The following HELB variants were observed in gnomAD, a reference collection of about 807,000 sequenced individuals.
HELB encodes DNA 5'-3' helicase B.
Under a neutral mutation model 101.7 loss-of-function variants are expected in HELB, and 96 were observed. The observed-to-expected ratio is 0.94, with a 90% CI of 0.80 to 1.12. The LOEUF (loss-of-function observed/expected upper bound fraction) is 1.12. Ranked by LOEUF, HELB falls within the 50% of genes most tolerant of loss-of-function variation. The probability of loss-of-function intolerance (pLI) is 0.00; values close to 1 mark genes in which losing one functional copy is unlikely to be tolerated. For missense variants in HELB, 1,210 were observed against 1,291.9 expected, an observed-to-expected ratio of 0.94 and a Z score of 0.97; for synonymous variants, 437 against 459.7, an observed-to-expected ratio of 0.95 and a Z score of 0.63.
intron 7 of HELB, among the ~76,000 whole-genome samples, chr12:66,320,619 T>G (rs999631806): frequency 2.0e-5 from 3 of 152,188 alleles, no homozygotes; most frequent in African/African-American, 7.2e-5. Context: ...TAAAAAAAAT[T>G]GTCCATTTTA....
At chr12:66,326,767 C>A (rs976345795) in intron 11 of HELB, among the ~76,000 whole-genome samples, 1 of 149,298 alleles carries the variant, frequency 6.7e-6, no homozygotes, top group Non-Finnish European at 1.5e-5. Context: ...TGTGGTGGCT[C>A]ACGCTTGTAA....
intron 11 of HELB, among the ~76,000 whole-genome samples, chr12:66,328,883 T>C (rs939193293): frequency 6.6e-6 from 1 of 152,182 alleles, no homozygotes; most frequent in Non-Finnish European, 1.5e-5. Context: ...TCTTTTTTAA[T>C]GAGACTACTA....
intron 2 of HELB, 87 bp from the exon 3 acceptor site, chr12:66,306,258 C>T (rs1436351267): frequency 1.6e-5 from 16 of 1,023,204 alleles, no homozygotes; most frequent in East Asian, 8.0e-5. Context: ...TTTCTTGAAT[C>T]GGTTGTGCAA....
At position 66,331,662 on chromosome 12, in the gene HELB, C is replaced by T. The variant is rs2053810994; in HGVS notation, c.3162+17C>T. ...ATTTTTATGGTAGGAGTGATGTTTC[C>T]ATGTTCCCAAGTTTTATTTAAATAT... is the stretch of plus-strand genomic sequence containing the variant. On this transcript the variant is annotated intron_variant, in intron 12 of 12. Coordinates refer to ENST00000247815, the MANE Select transcript of HELB (RefSeq NM_001370285.1). 1 of 1,575,108 alleles carries T rather than the reference C, an allele frequency of 6.3e-7. No individual in the cohort carries two copies. The highest frequency in any genetic ancestry group is 8.6e-7 in the Non-Finnish European group (1 of 1,167,478).
rs975005550 is a variant in HELB, at chr12:66,321,784, G to A, written c.2156-164G>A. 10 of 515,274 alleles carry A rather than the reference G, an allele frequency of 1.9e-5. No individual in the cohort carries two copies. The Admixed American group carries it at 2.7e-4, about 14-fold the overall frequency. The allele number at this position is 515,274 out of a possible 1,614,324, so 31.9% of individuals were successfully genotyped here. ...TTCCATTCTCTTTCCTATTGCCCTGGCTGATGTGGGGAATGAGGTTGACAT... is the reference window on the plus strand; with the variant it reads ...TTCCATTCTCTTTCCTATTGCCCTGACTGATGTGGGGAATGAGGTTGACAT... On this transcript the variant is annotated intron_variant, in intron 7 of 12. Coordinates refer to ENST00000247815, the MANE Select transcript of HELB (RefSeq NM_001370285.1).
intron 12 of HELB, among the ~76,000 whole-genome samples, chr12:66,333,492 C>T (rs986571371): frequency 6.6e-6 from 1 of 152,030 alleles, no homozygotes; most frequent in Admixed American, 6.5e-5. Context: ...TGAGACCAGC[C>T]TGGCCAACAT....
In HELB at chr12:66,338,132, GT is replaced by G. The variant is rs146634758; in HGVS notation, c.*35del. The G allele has an allele frequency of 0.012, 14,603 of 1,263,680 alleles. 830 individuals are homozygous for G. Among genetic ancestry groups the G allele is most frequent in the Admixed American group, 0.11 (6,209 of 57,022 alleles). 78.3% of individuals were successfully genotyped at this position (1,263,680 alleles called of 1,614,324 possible). ...ATTTCAAATTGTTCCGAGTAACTATGTTTTTCTATTGGAGACAAAATGAACA... is the reference window on the plus strand; with the variant it reads ...ATTTCAAATTGTTCCGAGTAACTATGTTTTCTATTGGAGACAAAATGAACA... On this transcript the variant is annotated 3_prime_UTR_variant, in exon 13 of 13. Transcript: ENST00000247815.
chr12:66,303,917 T>C (rs2053440799), intron 1 of HELB, among the ~76,000 whole-genome samples: 1 of 152,264 alleles, frequency 6.6e-6, no homozygotes, highest in South Asian at 2.1e-4. Context: ...TAATAGCCAC[T>C]AGCCATATGT....
chr12:66,330,747 A>T (rs1357107774), intron 11 of HELB, among the ~76,000 whole-genome samples: 1 of 149,250 alleles, frequency 6.7e-6, no homozygotes, highest in South Asian at 2.1e-4. Context: ...ACATATATTT[A>T]TATATAATAT....
At chr12:66,326,741 G>T (rs2053742615) in intron 11 of HELB, among the ~76,000 whole-genome samples, 1 of 148,158 alleles carries the variant, frequency 6.7e-6, no homozygotes, top group Non-Finnish European at 1.5e-5. Flanking sequence ...TTTTTTAAAG[G>T]TAAAAAAGGG....
chr12:66,306,229 A>T, intron 2 of HELB, 116 bp from the exon 3 acceptor site: 1 of 653,810 alleles, frequency 1.5e-6, no homozygotes, highest in Non-Finnish European at 2.4e-6. Context: ...CAAGTGTACT[A>T]ATCTGTTTTT....
intron 10 of HELB, chr12:66,324,421 G>T: frequency 4.6e-6 from 2 of 438,978 alleles, no homozygotes; most frequent in Non-Finnish European, 8.1e-6. Flanking sequence ...GATAATACTG[G>T]CCTCAGAAAA....
At position 66,331,491 on chromosome 12, in the gene HELB, C is replaced by A. The variant is rs1216575035; in HGVS notation, c.3008C>A (p.Ala1003Asp). The change falls in exon 12 of 13, where the codon GCC becomes GAC. Residue 1003 changes from alanine to aspartate, a missense_variant. Physicochemically the swap from Ala to Asp is moderately radical, Grantham distance 126 (BLOSUM62 -2). Transcript: ENST00000247815. The part of the protein sequence containing the change: ...AMTNDVTWSE[A>D]SSPDERTLTF... ...ACAAATGATGTCACCTGGAGCGAGG[C>A]CTCTTCGCCTGATGAGAGGACACTC... 6.2e-7 allele frequency: 1 copy of A among 1,614,030 alleles called. No homozygotes were observed. Among genetic ancestry groups the A allele is most frequent in the Non-Finnish European group, 8.5e-7 (1 of 1,180,028 alleles).
chr12:66,309,928 T>A lies in HELB; in HGVS notation c.1000T>A (p.Ser334Thr). The change falls in exon 4 of 13, where the codon TCT (serine) becomes ACT (threonine). Residue 334 changes from serine to threonine, a missense_variant. Physicochemically the swap from Ser to Thr is moderately conservative, Grantham distance 58. This residue lies in a region of HELB where 470 missense variants were observed against 563.1 expected (regional missense o/e 0.83). Coordinates refer to ENST00000247815, the MANE Select transcript of HELB (RefSeq NM_001370285.1). ...TATGTCATTTCATGCTGCTTCAGAG[T>A]CTCTGAAGTTTTTGAAGGATATTGG... Reference protein sequence around the residue: ...NHMSFHAASESLKFLKDIGVV... With the variant: ...NHMSFHAASETLKFLKDIGVV... The A allele has an allele frequency of 6.2e-7, 1 of 1,613,816 alleles. No individual in the cohort carries two copies. Among genetic ancestry groups the A allele is most frequent in the Non-Finnish European group, 8.5e-7 (1 of 1,179,728 alleles).
Position 66,318,676 on chromosome 12 carries a change from T to C in HELB, c.2039T>C (p.Leu680Pro). 1 of 1,605,134 alleles carries C rather than the reference T, an allele frequency of 6.2e-7. No homozygotes were observed. The highest frequency in any genetic ancestry group is 8.5e-7 in the Non-Finnish European group (1 of 1,177,808). The stretch of plus-strand genomic sequence containing the variant: ...CAATTTCCAAAATTTGATGCAGAAC[T>C]AAATATCTCTGATAATCCAACATTA... ...RRQFPKFDAE[L>P]NISDNPTLPI... Residue 680 changes from leucine to proline, a missense_variant, in exon 7 of 13, where the codon CTA becomes CCA. By Grantham distance (98) the Leu-to-Pro change is moderately conservative. Coordinates refer to ENST00000247815, the MANE Select transcript of HELB (RefSeq NM_001370285.1).
chr12:66,323,963 A>G lies in HELB; in HGVS notation c.2298-20A>G. ...GAGACTTTCCAAACTTTGATTATAT[A>G]TTATCATTTTCTATCCCAGAGACCA... On this transcript the variant is annotated intron_variant, in intron 9 of 12. Transcript: ENST00000247815. The G allele has an allele frequency of 6.6e-7, 1 of 1,516,262 alleles. No homozygotes were observed. The highest frequency in any genetic ancestry group is 9.1e-7 in the Non-Finnish European group (1 of 1,093,042). The allele number at this position is 1,516,262 out of a possible 1,614,324, so 93.9% of individuals were successfully genotyped here.
At chr12:66,309,215 A>G (rs892781837) in intron 3 of HELB, among the ~76,000 whole-genome samples, 2 of 152,208 alleles carry the variant, frequency 1.3e-5, no homozygotes, top group Non-Finnish European at 2.9e-5. Context: ...AACATTTTTC[A>G]AATATAGAAA....
chr12:66,305,603 G>C (rs564885267), intron 2 of HELB, among the ~76,000 whole-genome samples: 5 of 152,142 alleles, frequency 3.3e-5, no homozygotes, highest in East Asian at 1.9e-4. Context: ...AAATTAGCCA[G>C]GTGTGGTGAT....
Position 66,324,102 on chromosome 12 carries a change from A to G in HELB, c.2417A>G (p.Asp806Gly). 2 of 1,613,836 alleles carry G rather than the reference A, an allele frequency of 1.2e-6. No homozygotes were observed. The highest frequency in any genetic ancestry group is 1.7e-6 in the Non-Finnish European group (2 of 1,179,804). Residue 806 changes from aspartate (D) to glycine (G), a missense_variant, in exon 10 of 13, where the codon GAT (aspartate) becomes GGT (glycine). Physicochemically the swap from Asp to Gly is moderately conservative, Grantham distance 94. Around this residue, in one of 2 missense-constraint regions of HELB, gnomAD observed 740 missense variants for 728.8 expected, o/e 1.02. Coordinates refer to ENST00000247815, the MANE Select transcript of HELB (RefSeq NM_001370285.1). ...GGAAGTCAGCAAAATAATGATCTAG[A>G]TGCCAGTAGTGAAGACTTTTCTGGT... ...ISGSQQNNDL[D>G]ASSEDFSGTL...
Sources: gnomAD v4.1 joint callset for allele counts (sites outside exome capture counted in the v4.1 genomes callset) on GRCh38, gnomAD v4.1.1 for gene constraint, gnomAD v4.1.1 regional missense constraint, MANE v1.5 for transcripts, NCBI Gene and HGNC (gene_info 2026-07-23, HGNC 2026-07-21) for gene names.